ATAD3B: variants seen among roughly 807,000 people sequenced by gnomAD.
ATAD3B encodes ATPase family AAA domain-containing protein 3B.
ATAD3B carries 59 observed loss-of-function variants against 70.2 expected under a neutral mutation model. That is an observed-to-expected ratio of 0.84 (90% confidence interval 0.68 to 1.04). The LOEUF is 1.04. Among genes scored for constraint, ATAD3B ranks in the 50% least tolerant of loss-of-function variants. The pLI is 0.00. For missense variants in ATAD3B, 961 were observed against 913.4 expected (o/e 1.05, Z -0.67); for synonymous variants, 423 against 388.6 (o/e 1.09, Z -1.04).
At chr1:1,504,527 G>A in the ATAD3B span, among the ~76,000 whole-genome samples, 2 of 151,880 alleles carry the variant, frequency 1.3e-5, no homozygotes, top group Admixed American at 6.6e-5. Context: ...GCGGGCGCCT[G>A]TAATCCCAGC....
the ATAD3B span, chr1:1,503,234 A>G: frequency 5.2e-6 from 1 of 194,040 alleles, no homozygotes; most frequent in African/African-American, 2.3e-5. Context: ...AAAAAAAAAA[A>G]AAAAAGTAAA....
At chr1:1,499,004 T>C (rs1390103568), downstream of ATAD3B, among the ~76,000 whole-genome samples, 10 of 149,930 alleles carry the variant, frequency 6.7e-5, no homozygotes, top group Non-Finnish European at 1.5e-4. Flanking sequence ...CAGAGTCTCA[T>C]GCTGTCGCCT....
At chr1:1,488,530 G>A (rs1640358837) in intron 12 of ATAD3B, among the ~76,000 whole-genome samples, 1 of 152,110 alleles carries the variant, frequency 6.6e-6, no homozygotes, top group East Asian at 1.9e-4. Context: ...GGAGGCCAAG[G>A]CAGGTGGATG....
intron 4 of ATAD3B, among the ~76,000 whole-genome samples, chr1:1,479,969 C>G (rs1245765512): frequency 6.9e-6 from 1 of 145,068 alleles, no homozygotes; most frequent in Admixed American, 7.0e-5. Context: ...CACCCCACCA[C>G]ACACACACAC....
At position 1,490,447 on chromosome 1, in the gene ATAD3B, C is replaced by T. The variant is rs370252996; in HGVS notation, c.1505+23C>T. On this transcript the variant is annotated intron_variant, in intron 14 of 15. Coordinates refer to ENST00000673477, the MANE Select transcript of ATAD3B (RefSeq NM_031921.6). ...ACGGTGAGTGTCCCGCCTCACCCGG[C>T]CCCCAATCCAGGCACCATATGGCAT... 1.6e-4 allele frequency: 263 copies of T among 1,612,664 alleles called. 5 individuals carry two copies. The highest frequency in any genetic ancestry group is 1.3e-3 in the South Asian group (118 of 90,962).
In ATAD3B at chr1:1,495,607, C is replaced by T. The variant is rs577199359; in HGVS notation, c.1737C>T (p.Arg579=). 5.5e-5 allele frequency: 88 copies of T among 1,613,080 alleles called. 2 individuals are homozygous for T. Among genetic ancestry groups the T allele is most frequent in the Middle Eastern group, 1.6e-4 (1 of 6,062 alleles). Reference sequence around the variant, plus strand: ...GGCTGAAGGCGGAGGGGCCTGGGCGCGGGGTCGAGCACCCCCTATCCGGAG... The same window carrying T: ...GGCTGAAGGCGGAGGGGCCTGGGCGTGGGGTCGAGCACCCCCTATCCGGAG... ...MRWLKAEGPG[R]GVEHPLSGVQ... is the part of the protein sequence containing the mutation. Residue 579 remains arginine, a synonymous_variant, in exon 16 of 16, where the codon CGC becomes CGT. Coordinates refer to ENST00000673477, the MANE Select transcript of ATAD3B (RefSeq NM_031921.6).
At chr1:1,477,140 C>A in intron 1 of ATAD3B, 134 bp from the exon 2 acceptor site, 2 of 1,209,072 alleles carry the variant, frequency 1.7e-6, no homozygotes, top group Non-Finnish European at 2.3e-6. Flanking sequence ...CTCAGAGTTG[C>A]TGGGATTACA....
At chr1:1,495,099 CAGGGTCTG>C (rs1177827228) in intron 15 of ATAD3B, among the ~76,000 whole-genome samples, 3 of 152,164 alleles carry the variant, frequency 2.0e-5, no homozygotes, top group South Asian at 2.1e-4. Flanking sequence ...CTGTGAGGGT[CAGGGTCTG>C]AGGGTCTGAG....
rs576381684 is a variant in ATAD3B at position 1,486,309 on chromosome 1, C to A, written c.1089+74C>A. 2.8e-4 allele frequency: 456 copies of A among 1,607,294 alleles called. 7 individuals are homozygous for A. The South Asian group carries it at 4.7e-3, about 17-fold the overall frequency. On this transcript the variant is annotated intron_variant, in intron 10 of 15. Transcript: ENST00000673477. Reference sequence around the variant, plus strand: ...CCTGCCTGCAGGTGTCTGGGGGCCTCAGCCGCCTGGGGAATGGACCCCCCT... The same window carrying A: ...CCTGCCTGCAGGTGTCTGGGGGCCTAAGCCGCCTGGGGAATGGACCCCCCT...
chr1:1,485,777 G>C lies in ATAD3B; in HGVS notation c.907-5G>C. 1 of 1,612,670 alleles carries C rather than the reference G, an allele frequency of 6.2e-7. No homozygotes were observed. Among genetic ancestry groups the C allele is most frequent in the Non-Finnish European group, 8.5e-7 (1 of 1,179,300 alleles). ...CCAATGGTGCTTCCCCTTCCCCTCC[G>C]GCAGGTCAGCCGGCGGCTCCTCAGT... On this transcript the variant is annotated splice_polypyrimidine_tract_variant and splice_region_variant and intron_variant, in intron 8 of 15. Transcript: ENST00000673477.
Position 1,496,037 on chromosome 1 carries a change from C to G in ATAD3B, c.*220C>G. On this transcript the variant is annotated 3_prime_UTR_variant, in exon 16 of 16. Coordinates refer to ENST00000673477, the MANE Select transcript of ATAD3B (RefSeq NM_031921.6). ...ACAGCAGAGCCAGGTGAGGGGGGGC[C>G]TGCCAGGACTAGACAGAAGTGGGGC... is the stretch of plus-strand genomic sequence containing the variant. 7.5e-7 allele frequency: 1 copy of G among 1,330,332 alleles called. No individual in the cohort carries two copies. The highest frequency in any genetic ancestry group is 9.6e-7 in the Non-Finnish European group (1 of 1,040,576). The allele number at this position is 1,330,332 out of a possible 1,614,324, so 82.4% of individuals were successfully genotyped here. A position where few individuals can be genotyped will look rare whatever the true frequency, so the allele number is the denominator to read the frequency against.
At position 1,490,629 on chromosome 1, in the gene ATAD3B, C is replaced by T; in HGVS notation, c.1572C>T (p.Gly524=). 1 of 1,606,816 alleles carries T rather than the reference C, an allele frequency of 6.2e-7. No individual in the cohort carries two copies. Among genetic ancestry groups the T allele is most frequent in the Non-Finnish European group, 8.5e-7 (1 of 1,177,452 alleles). ...CGGAGGTCGCTCGGCTGACGGAGGG[C>T]ATGTCGGGCCGGGAGATCGCTCAGC... is the stretch of plus-strand genomic sequence containing the variant. ...KCSEVARLTE[G]MSGREIAQLA... Residue 524 remains glycine, a synonymous_variant, in exon 15 of 16, where the codon GGC becomes GGT. Coordinates refer to ENST00000673477, the MANE Select transcript of ATAD3B (RefSeq NM_031921.6).
At chr1:1,482,402 A>T (rs819971) in intron 6 of ATAD3B, 99 bp downstream of exon 6, 1 of 1,578,750 alleles carries the variant, frequency 6.3e-7, no homozygotes, top group Non-Finnish European at 8.6e-7. Flanking sequence ...CCTGGCCGCC[A>T]TAGGCTGACT....
intron 1 of ATAD3B, among the ~76,000 whole-genome samples, chr1:1,472,792 A>G (rs1467639542): frequency 2.0e-5 from 3 of 152,178 alleles, no homozygotes; most frequent in Admixed American, 2.0e-4. Context: ...ATTCATTGAA[A>G]GAATACAGTG....
At chr1:1,486,085 C>A (rs759446412) in intron 9 of ATAD3B, 25 bp from the exon 10 acceptor site, 3 of 1,612,770 alleles carry the variant, frequency 1.9e-6, no homozygotes, top group Non-Finnish European at 1.7e-6. Flanking sequence ...GAGTGTCTCC[C>A]CCAAACCCCC....
chr1:1,484,941 C>A, intron 7 of ATAD3B, 75 bp from the exon 8 acceptor site: 5 of 1,516,034 alleles, frequency 3.3e-6, no homozygotes, highest in Non-Finnish European at 4.4e-6. Context: ...AGGGTGGGGG[C>A]AGCCCCGTGC....
intron 15 of ATAD3B, among the ~76,000 whole-genome samples, chr1:1,491,258 G>A (rs752890666): frequency 9.2e-5 from 14 of 152,014 alleles, no homozygotes; most frequent in South Asian, 2.1e-4. Context: ...TGATCAGGCC[G>A]GGCGCGGTGG....
intron 7 of ATAD3B, chr1:1,483,461 C>T (rs1640032717): frequency 5.0e-6 from 1 of 199,160 alleles, no homozygotes; most frequent in South Asian, 7.2e-5. Flanking sequence ...GAGCGAAACT[C>T]TGTCTCAAAA....
the ATAD3B span, among the ~76,000 whole-genome samples, chr1:1,506,369 A>G: frequency 1.3e-5 from 2 of 151,006 alleles, no homozygotes; most frequent in African/African-American, 4.9e-5. Context: ...CAGTCTCTAT[A>G]TTGCCTTGAC....
Sources: allele counts gnomAD v4.1 joint callset (sites outside exome capture counted in the v4.1 genomes callset), GRCh38; gene constraint gnomAD v4.1.1; transcripts MANE v1.5; gene names NCBI Gene and HGNC (gene_info 2026-07-23, HGNC 2026-07-21).